The following PARD3B variants were observed in gnomAD, a reference collection of about 807,000 sequenced individuals.
PARD3B encodes the protein partitioning defective 3 homolog B.
PARD3B carries 103 observed loss-of-function variants against 130.2 expected under a neutral mutation model. The ratio of observed to expected loss-of-function variants is 0.79; its 90% CI spans 0.67 to 0.93. The LOEUF is 0.93. Ranked by LOEUF, PARD3B falls within the 40% of genes least tolerant of loss-of-function variation. PARD3B has a pLI of 0.00. For missense variants in PARD3B, 1,609 were observed against 1,499.2 expected, an observed-to-expected ratio of 1.07 and a Z score of -1.21; for synonymous variants, 583 against 553.2, an observed-to-expected ratio of 1.05 and a Z score of -0.76.
chr2:205,271,602 A>G (rs1395616134), intron 16 of PARD3B, among the ~76,000 whole-genome samples: 1 of 152,222 alleles, frequency 6.6e-6, no homozygotes, highest in Non-Finnish European at 1.5e-5. Flanking sequence ...TTTGGAAAGT[A>G]TGTGAGCTTA....
intron 1 of PARD3B, among the ~76,000 whole-genome samples, chr2:204,591,819 A>G (rs553377454): frequency 5.9e-5 from 9 of 152,340 alleles, no homozygotes; most frequent in Non-Finnish European, 8.8e-5. Context: ...TAGTTGCTCC[A>G]TTAATAATTT....
At position 205,617,746 on chromosome 2, in the gene PARD3B, C is replaced by T. The variant is rs2055480533; in HGVS notation, c.*1933C>T. ...GAGTGCAGGGGAGCTACCGGTTTCC[C>T]TGCTGACCTGCTGAATGCTACCTTC... On this transcript the variant is annotated 3_prime_UTR_variant, in exon 23 of 23. Transcript: ENST00000406610. 6.6e-6 allele frequency: 1 copy of T among 152,202 alleles called. No individual in the cohort carries two copies. Among genetic ancestry groups the T allele is most frequent in the East Asian group, 1.9e-4 (1 of 5,188 alleles). The allele number at this position is 152,202 out of a possible 1,614,324, so 9.4% of individuals were successfully genotyped here. A position where few individuals can be genotyped will look rare whatever the true frequency, so the allele number is the denominator to read the frequency against.
chr2:204,712,333 C>G (rs2038483203), intron 2 of PARD3B, among the ~76,000 whole-genome samples: 1 of 152,094 alleles, frequency 6.6e-6, no homozygotes, highest in Non-Finnish European at 1.5e-5. Context: ...ATTAAATAGG[C>G]TGGCCGCAGT....
chr2:205,616,211 AGGCAGTCTCTG>A lies in PARD3B; in HGVS notation c.*399_*409del. On this transcript the variant is annotated 3_prime_UTR_variant, in exon 23 of 23. Transcript: ENST00000406610. Reference sequence around the variant, plus strand: ...TCCCCCTCTGAGACTGGCGGTCCAGAGGCAGTCTCTGCCAGGCAGCATTACCCGCTCCGAGG... The same window carrying A: ...TCCCCCTCTGAGACTGGCGGTCCAGACCAGGCAGCATTACCCGCTCCGAGG... The A allele has an allele frequency of 5.7e-6, 1 of 176,676 alleles. No homozygotes were observed. The highest frequency in any genetic ancestry group is 5.9e-5 in the Admixed American group (1 of 16,896). The allele number at this position is 176,676 out of a possible 1,614,324, so 10.9% of individuals were successfully genotyped here.
chr2:204,998,912 G>C (rs908094507), intron 3 of PARD3B, among the ~76,000 whole-genome samples: 1 of 152,080 alleles, frequency 6.6e-6, no homozygotes, highest in Non-Finnish European at 1.5e-5. Context: ...CAAGGTTTCA[G>C]TGTGCTGGAC....
chr2:205,139,327 A>G (rs2032753167), intron 10 of PARD3B, among the ~76,000 whole-genome samples: 1 of 152,188 alleles, frequency 6.6e-6, no homozygotes, highest in Non-Finnish European at 1.5e-5. Flanking sequence ...TCCATTACAC[A>G]TTAAAATGAA....
intron 3 of PARD3B, among the ~76,000 whole-genome samples, chr2:205,030,658 A>C (rs1206745548): frequency 2.0e-5 from 3 of 152,152 alleles, no homozygotes; most frequent in Admixed American, 6.6e-5. Flanking sequence ...ACTGTTTGAT[A>C]CCATATGTTT....
chr2:204,800,886 G>T (rs1396206682), intron 2 of PARD3B, among the ~76,000 whole-genome samples: 3 of 152,102 alleles, frequency 2.0e-5, no homozygotes, highest in Non-Finnish European at 4.4e-5. Context: ...GTTAATTTTT[G>T]TATAAGGTAT....
intron 4 of PARD3B, among the ~76,000 whole-genome samples, chr2:205,064,653 A>G (rs1482388054): frequency 6.6e-6 from 1 of 152,192 alleles, no homozygotes; most frequent in African/African-American, 2.4e-5. Context: ...ACCCAGAGTC[A>G]AGGCCAGGTA....
intron 2 of PARD3B, among the ~76,000 whole-genome samples, chr2:204,885,652 T>C (rs2046245995): frequency 6.6e-6 from 1 of 152,216 alleles, no homozygotes; most frequent in Admixed American, 6.5e-5. Flanking sequence ...TATACTTAGA[T>C]ATTGACTGTT....
At chr2:205,055,461 T>G (rs78980644) in intron 4 of PARD3B, among the ~76,000 whole-genome samples, 4,100 of 152,312 alleles carry the variant, frequency 0.027, 79 homozygotes, top group South Asian at 0.1. Context: ...TATGGGCAGA[T>G]GTAATTTGAC....
At chr2:205,429,218 G>C (rs866964142) in intron 19 of PARD3B, among the ~76,000 whole-genome samples, 1 of 152,062 alleles carries the variant, frequency 6.6e-6, no homozygotes, top group Non-Finnish European at 1.5e-5. Context: ...TCACAATCCC[G>C]TATTCCCCCA....
At chr2:205,355,331 A>G (rs910123554) in intron 18 of PARD3B, among the ~76,000 whole-genome samples, 1 of 152,230 alleles carries the variant, frequency 6.6e-6, no homozygotes, top group Non-Finnish European at 1.5e-5. Context: ...AGGATAAAAA[A>G]GTTTTGAACC....
chr2:205,542,144 C>CAAAAAAAA lies in PARD3B; in HGVS notation c.3181-11158_3181-11151dup, dbSNP rs71032484. The stretch of plus-strand genomic sequence containing the variant: ...GGCAACAAGAGTGAAACTCCGTCTC[C>CAAAAAAAA]AAAAAAAAAAAAAAAAAAAAAAAAA... On this transcript the variant is annotated intron_variant, in intron 21 of 22. Transcript: ENST00000406610. 4.2e-4 allele frequency among the ~76,000 whole-genome samples: 16 copies of CAAAAAAAA among 38,068 alleles called. 1 individual carries two copies. Among genetic ancestry groups the CAAAAAAAA allele is most frequent in the African/African-American group, 1.1e-3 (8 of 7,420 alleles). The allele number at this position is 38,068 out of a possible 152,430, so 25.0% of individuals were successfully genotyped here. A position where few individuals can be genotyped will look rare whatever the true frequency, so the allele number is the denominator to read the frequency against.
rs908910879 is a variant in PARD3B, at chr2:205,164,108, A to C, written c.1620+5201A>C. Among the ~76,000 whole-genome samples, 13 of 152,332 alleles carry C rather than the reference A, an allele frequency of 8.5e-5. No individual in the cohort carries two copies. The East Asian group carries it at 2.1e-3, about 25-fold the overall frequency. ...GGAACTTTGCCTGGAAATATACATA[A>C]ATTCATAATCACTATATATCCAATA... On this transcript the variant is annotated intron_variant, in intron 11 of 22. Transcript: ENST00000406610.
chr2:204,776,651 A>T (rs1378962724), intron 2 of PARD3B, among the ~76,000 whole-genome samples: 1 of 151,868 alleles, frequency 6.6e-6, no homozygotes, highest in East Asian at 1.9e-4. Flanking sequence ...TGTATAATAA[A>T]ACTTGCCTAC....
chr2:204,932,756 TAAAC>T (rs1158341710), intron 2 of PARD3B, among the ~76,000 whole-genome samples: 3 of 152,174 alleles, frequency 2.0e-5, no homozygotes, highest in Non-Finnish European at 2.9e-5. Flanking sequence ...GTAGATTAAA[TAAAC>T]AGACAAAACC....
chr2:205,020,918 C>A (rs1696546904), intron 3 of PARD3B, among the ~76,000 whole-genome samples: 1 of 152,150 alleles, frequency 6.6e-6, no homozygotes, highest in Non-Finnish European at 1.5e-5. Flanking sequence ...AGATGGGAGT[C>A]TTCAGCCTGA....
rs60272482 is a variant in PARD3B, at chr2:204,644,922, AT to A, written c.121-41248del. On this transcript the variant is annotated intron_variant, in intron 1 of 22. Coordinates refer to ENST00000406610, the MANE Select transcript of PARD3B (RefSeq NM_001302769.2). ...CCTTTTAAATATTGGGAACCAGTAA[AT>A]TTTTTTTTTTGTTTTAGTTGCTGCT... 5.6e-3 allele frequency among the ~76,000 whole-genome samples: 839 copies of A among 148,702 alleles called. 8 individuals are homozygous for A. Among genetic ancestry groups the A allele is most frequent in the African/African-American group, 0.017 (701 of 40,770 alleles).
Sources: allele counts gnomAD v4.1 joint callset (sites outside exome capture counted in the v4.1 genomes callset), GRCh38; gene constraint gnomAD v4.1.1; transcripts MANE v1.5; gene names NCBI Gene and HGNC (gene_info 2026-07-23, HGNC 2026-07-21).